Variants in COP1 observed in about 807,000 individuals in gnomAD.
COP1 encodes the protein COP1 E3 ubiquitin ligase, also known as E3 ubiquitin-protein ligase COP1.
A neutral mutation model predicts 101.3 loss-of-function variants in COP1; 24 were observed. The ratio of observed to expected loss-of-function variants is 0.24; its 90% CI spans 0.17 to 0.33. The LOEUF (loss-of-function observed/expected upper bound fraction) is 0.33. Among genes scored for constraint, COP1 ranks in the 10% least tolerant of loss-of-function variants. COP1 has a pLI of 1.00. For synonymous variants in COP1, 347 were observed against 341.9 expected, an observed-to-expected ratio of 1.01 and a Z score of -0.17; for missense variants, 663 against 906.2, an observed-to-expected ratio of 0.73 and a Z score of 3.45.
chr1:176,108,715 C>T (rs138672050), intron 9 of COP1, among the ~76,000 whole-genome samples: 3 of 151,900 alleles, frequency 2.0e-5, no homozygotes, highest in East Asian at 3.9e-4. Flanking sequence ...TATTTATTTG[C>T]AAAAATTGAG....
At chr1:176,084,048 T>A (rs1458036277) in intron 10 of COP1, among the ~76,000 whole-genome samples, 1 of 152,160 alleles carries the variant, frequency 6.6e-6, no homozygotes, top group Non-Finnish European at 1.5e-5. Flanking sequence ...ATGCTGCCAG[T>A]GACTTAAAGA....
chr1:176,027,255 C>A (rs1340840127), intron 15 of COP1, among the ~76,000 whole-genome samples: 1 of 152,052 alleles, frequency 6.6e-6, no homozygotes, highest in Admixed American at 6.6e-5. Context: ...TTAATAATAG[C>A]TTAATTGTTT....
chr1:176,135,023 A>C lies in COP1; in HGVS notation c.955T>G (p.Ser319Ala). Residue 319 changes from serine to alanine, a missense_variant, in exon 8 of 20, where the codon TCT becomes GCT. Physicochemically the swap from Ser to Ala is moderately conservative, Grantham distance 99 (BLOSUM62 1). Around this residue, in one of 4 missense-constraint regions of COP1, gnomAD observed 212 missense variants for 240.7 expected, o/e 0.88. Coordinates refer to ENST00000367669, the MANE Select transcript of COP1 (RefSeq NM_022457.7). ...DSTVPQFEAP[S>A]PSHSSIIDST... Reference sequence around the variant, plus strand: ...TGAAGCTTGTACCTGTGTGATGGAGAAGGAGCTTCAAATTGAGGCACTGTG... The same window carrying C: ...TGAAGCTTGTACCTGTGTGATGGAGCAGGAGCTTCAAATTGAGGCACTGTG... 3 of 1,609,606 alleles carry C rather than the reference A, an allele frequency of 1.9e-6. No homozygotes were observed. Among genetic ancestry groups the C allele is most frequent in the Non-Finnish European group, 2.6e-6 (3 of 1,176,380 alleles).
intron 11 of COP1, among the ~76,000 whole-genome samples, chr1:176,049,158 A>G (rs1348745040): frequency 7.0e-6 from 1 of 143,478 alleles, no homozygotes; most frequent in Non-Finnish European, 1.5e-5. Context: ...CGGCCTGGGC[A>G]ACAGAGCGAG....
At chr1:176,070,690 C>T (rs1676841457) in intron 11 of COP1, among the ~76,000 whole-genome samples, 2 of 152,098 alleles carry the variant, frequency 1.3e-5, no homozygotes, top group Admixed American at 1.3e-4. Flanking sequence ...AAACCTCTGT[C>T]ATCCAGACTG....
At chr1:176,176,158 C>T in intron 2 of COP1, 151 bp from the exon 3 acceptor site, 1 of 545,816 alleles carries the variant, frequency 1.8e-6, no homozygotes, top group Middle Eastern at 4.8e-4. Flanking sequence ...ACATTATCAA[C>T]AGGATATACA....
At chr1:176,001,772 T>C (rs1661658461) in intron 15 of COP1, among the ~76,000 whole-genome samples, 1 of 152,122 alleles carries the variant, frequency 6.6e-6, no homozygotes, top group South Asian at 2.1e-4. Context: ...TGGTATTTCT[T>C]ATGGGGTAGG....
At chr1:175,964,131 A>T (rs1347670340) in intron 18 of COP1, among the ~76,000 whole-genome samples, 1 of 152,200 alleles carries the variant, frequency 6.6e-6, no homozygotes, top group Non-Finnish European at 1.5e-5. Context: ...AAACTGAGGC[A>T]CAGAAAGGTT....
intron 9 of COP1, chr1:176,100,257 C>T: frequency 4.1e-6 from 1 of 243,944 alleles, no homozygotes; most frequent in Admixed American, 4.7e-5. Context: ...GGTGTGGAGG[C>T]AGGCGCCGGT....
chr1:175,967,113 T>C (rs776782357), intron 18 of COP1, among the ~76,000 whole-genome samples: 14 of 152,240 alleles, frequency 9.2e-5, no homozygotes, highest in Non-Finnish European at 2.1e-4. Context: ...TAGAAAAGTA[T>C]GGCTACTCAT....
intron 11 of COP1, among the ~76,000 whole-genome samples, chr1:176,054,799 A>G (rs1460670160): frequency 1.3e-5 from 2 of 152,146 alleles, no homozygotes; most frequent in East Asian, 3.9e-4. Context: ...AAAACAAAAT[A>G]CCTCTTATAT....
At position 176,204,645 on chromosome 1, in the gene COP1, C is replaced by G. The variant is rs530460627; in HGVS notation, c.407+1927G>C. Among the ~76,000 whole-genome samples, 3 of 152,178 alleles carry G rather than the reference C, an allele frequency of 2.0e-5. No homozygotes were observed. In the South Asian group the frequency reaches 6.2e-4, roughly 32 times the overall value. ...TCTTAGAAAGTGAAATACTCAGGAC[C>G]ACGGTGGCTCACACCTGTAATCCCT... On this transcript the variant is annotated intron_variant, in intron 1 of 19. Coordinates refer to ENST00000367669, the MANE Select transcript of COP1 (RefSeq NM_022457.7).
chr1:175,970,451 T>C (rs951304766), intron 18 of COP1, among the ~76,000 whole-genome samples: 1 of 152,168 alleles, frequency 6.6e-6, no homozygotes, highest in African/African-American at 2.4e-5. Flanking sequence ...GTTAGATGGA[T>C]AGCATTATAT....
chr1:176,143,067 G>A (rs1240104611), intron 6 of COP1, among the ~76,000 whole-genome samples: 3 of 149,114 alleles, frequency 2.0e-5, no homozygotes, highest in South Asian at 4.2e-4. Flanking sequence ...TTAGTTATTA[G>A]AAAAAAACCC....
At chr1:176,202,891 TAC>T (rs1387796699) in intron 1 of COP1, among the ~76,000 whole-genome samples, 1 of 152,112 alleles carries the variant, frequency 6.6e-6, no homozygotes, top group Non-Finnish European at 1.5e-5. Flanking sequence ...ATATTATAAT[TAC>T]ACAGTTAAAA....
chr1:176,202,387 T>C (rs904933559), intron 1 of COP1, among the ~76,000 whole-genome samples: 1 of 151,830 alleles, frequency 6.6e-6, no homozygotes, highest in African/African-American at 2.4e-5. Flanking sequence ...TGGGGTTTCG[T>C]CATGTTGCCC....
At chr1:176,188,662 C>T (rs1698753477) in intron 1 of COP1, among the ~76,000 whole-genome samples, 2 of 152,100 alleles carry the variant, frequency 1.3e-5, no homozygotes, top group Non-Finnish European at 1.5e-5. Flanking sequence ...TAATTATCTG[C>T]GATCAGTGAT....
chr1:176,105,436 G>A (rs536291178), intron 9 of COP1, among the ~76,000 whole-genome samples: 32 of 152,024 alleles, frequency 2.1e-4, no homozygotes, highest in African/African-American at 4.8e-4. Context: ...AAAGACAAAC[G>A]GAATTTCAAA....
chr1:176,039,178 G>A (rs1485469256), intron 14 of COP1, among the ~76,000 whole-genome samples: 1 of 152,114 alleles, frequency 6.6e-6, no homozygotes, highest in Non-Finnish European at 1.5e-5. Flanking sequence ...CAGAAAAATA[G>A]CTGAAAAATT....
Sources: allele counts gnomAD v4.1 joint callset (sites outside exome capture counted in the v4.1 genomes callset), GRCh38; gene constraint gnomAD v4.1.1; regional missense constraint gnomAD v4.1.1; transcripts MANE v1.5; gene names NCBI Gene and HGNC (gene_info 2026-07-23, HGNC 2026-07-21).